The following NFIA variants were observed in gnomAD, a reference collection of about 807,000 sequenced individuals.
NFIA encodes the protein nuclear factor 1 A-type.
A neutral mutation model predicts 62.8 loss-of-function variants in NFIA; 8 were observed. The observed-to-expected ratio is 0.13, with a 90% confidence interval of 0.07 to 0.23. The LOEUF (loss-of-function observed/expected upper bound fraction) is 0.23. NFIA is among the 10% of genes least tolerant of loss of function. NFIA has a pLI of 1.00. For missense variants in NFIA, 410 were observed against 642.1 expected, an observed-to-expected ratio of 0.64 and a Z score of 3.91; for synonymous variants, 235 against 238.1, an observed-to-expected ratio of 0.99 and a Z score of 0.12.
At chr1:61,446,118 C>T (rs1179217046) in intron 10 of NFIA, among the ~76,000 whole-genome samples, 1 of 152,164 alleles carries the variant, frequency 6.6e-6, no homozygotes, top group African/African-American at 2.4e-5. Context: ...CTTGTAGTAT[C>T]CTTAGAGAGA....
intron 2 of NFIA, among the ~76,000 whole-genome samples, chr1:61,258,913 G>T (rs1656589150): frequency 6.6e-6 from 1 of 151,888 alleles, no homozygotes; most frequent in Admixed American, 6.6e-5. Context: ...TAGAGACGGG[G>T]TTTTGCCACA....
intron 3 of NFIA, among the ~76,000 whole-genome samples, chr1:61,313,740 T>C (rs1421089628): frequency 6.6e-6 from 1 of 152,228 alleles, no homozygotes; most frequent in Non-Finnish European, 1.5e-5. Context: ...CAGGAATTTG[T>C]ATGTACACAT....
intron 2 of NFIA, among the ~76,000 whole-genome samples, chr1:61,257,434 T>C (rs972515779): frequency 1.4e-5 from 2 of 147,630 alleles, no homozygotes; most frequent in African/African-American, 5.0e-5. Flanking sequence ...GCCTCCCGGA[T>C]TCAAGCAATT....
At chr1:61,147,879 T>G (rs1161732335) in intron 2 of NFIA, among the ~76,000 whole-genome samples, 1 of 152,170 alleles carries the variant, frequency 6.6e-6, no homozygotes, top group African/African-American at 2.4e-5. Flanking sequence ...CTATATATAT[T>G]GCAATTAATA....
rs765026319 is a variant in NFIA, at chr1:61,455,327, C to T, written c.*7C>T. The T allele has an allele frequency of 3.1e-6, 5 of 1,613,920 alleles. No individual in the cohort carries two copies. Among genetic ancestry groups the T allele is most frequent in the Non-Finnish European group, 2.5e-6 (3 of 1,179,972 alleles). ...GTCCTGGTACCTGGGATAAAAGTTG[C>T]AGCGTCCCACCATCCACCAGACAGA... On this transcript the variant is annotated 3_prime_UTR_variant, in exon 11 of 11. Coordinates refer to ENST00000403491, the MANE Select transcript of NFIA (RefSeq NM_001134673.4).
intron 2 of NFIA, among the ~76,000 whole-genome samples, chr1:61,191,551 T>C (rs1275381480): frequency 6.6e-6 from 1 of 152,186 alleles, no homozygotes; most frequent in Non-Finnish European, 1.5e-5. Flanking sequence ...AGGCAGGAGA[T>C]AGTGCTGAAG....
intron 10 of NFIA, among the ~76,000 whole-genome samples, chr1:61,429,723 A>G (rs1447887093): frequency 6.6e-6 from 1 of 152,254 alleles, no homozygotes; most frequent in Admixed American, 6.5e-5. Context: ...ATAGAATGGA[A>G]TATTACTCAG....
chr1:61,089,783 T>C (rs1192867478), intron 2 of NFIA, among the ~76,000 whole-genome samples: 4 of 150,770 alleles, frequency 2.7e-5, no homozygotes, highest in Admixed American at 1.3e-4. Context: ...CTAAAAATGT[T>C]AGTGAGTTTT....
intron 2 of NFIA, among the ~76,000 whole-genome samples, chr1:61,149,577 TATTAA>T (rs1414338199): frequency 3.3e-5 from 5 of 152,196 alleles, no homozygotes; most frequent in African/African-American, 1.2e-4. Context: ...TATAGGGCAG[TATTAA>T]ATTACTAAGC....
chr1:61,414,484 T>C (rs2499530), intron 9 of NFIA, among the ~76,000 whole-genome samples: 35,499 of 151,978 alleles, frequency 0.23, 4,959 homozygotes, highest in East Asian at 0.51. Context: ...GGCTTGGCTG[T>C]AGCATGAGGA....
intron 5 of NFIA, among the ~76,000 whole-genome samples, chr1:61,354,421 G>C (rs1174581478): frequency 2.0e-5 from 3 of 152,124 alleles, no homozygotes; most frequent in Non-Finnish European, 4.4e-5. Context: ...TCTTCCTGCT[G>C]TGCCAATATT....
intron 2 of NFIA, among the ~76,000 whole-genome samples, chr1:61,223,676 C>T (rs376169020): frequency 6.6e-5 from 10 of 151,992 alleles, no homozygotes; most frequent in African/African-American, 2.4e-4. Context: ...GTGGAATTCT[C>T]ATTTGATAAT....
At chr1:61,082,491 A>C (rs1294888456), upstream of NFIA, 6 of 1,114,366 alleles carry the variant, frequency 5.4e-6, no homozygotes, top group South Asian at 1.5e-4. Context: ...GGGAGCGGGA[A>C]AGGGTGCGCT....
intron 2 of NFIA, among the ~76,000 whole-genome samples, chr1:61,184,422 A>T (rs901540848): frequency 1.1e-4 from 16 of 152,342 alleles, no homozygotes; most frequent in South Asian, 2.1e-4. Context: ...TTGCATGCCA[A>T]ATGTTCTTGC....
At chr1:61,260,554 A>T (rs1385678107) in intron 2 of NFIA, among the ~76,000 whole-genome samples, 2 of 152,230 alleles carry the variant, frequency 1.3e-5, no homozygotes, top group African/African-American at 4.8e-5. Flanking sequence ...TGATATGCTG[A>T]GTAAATGATT....
At chr1:61,384,040 G>A (rs1404349817) in intron 7 of NFIA, among the ~76,000 whole-genome samples, 1 of 152,164 alleles carries the variant, frequency 6.6e-6, no homozygotes, top group Non-Finnish European at 1.5e-5. Flanking sequence ...TAAGCCTCAA[G>A]AGAATGTCAG....
chr1:61,359,252 T>G lies in NFIA; in HGVS notation c.924T>G (p.Ser308Arg). Reference sequence around the variant, plus strand: ...CCCCAGGAAGTGGCAGTCAGTCAAGTGGATGGCATGAAGTGGAGCCAGGTA... The same window carrying G: ...CCCCAGGAAGTGGCAGTCAGTCAAGGGGATGGCATGAAGTGGAGCCAGGTA... ...GRSPGSGSQS[S>R]GWHEVEPGMP... Residue 308 changes from serine (S) to arginine (R), a missense_variant, in exon 6 of 11, where the codon AGT (serine) becomes AGG (arginine). By Grantham distance (110) the Ser-to-Arg change is moderately radical. Around this residue, in one of 3 missense-constraint regions of NFIA, gnomAD observed 298 missense variants for 438.1 expected, o/e 0.68. Transcript: ENST00000403491. 6.2e-7 allele frequency: 1 copy of G among 1,612,446 alleles called. No individual in the cohort carries two copies. Among genetic ancestry groups the G allele is most frequent in the Non-Finnish European group, 8.5e-7 (1 of 1,179,958 alleles).
intron 2 of NFIA, among the ~76,000 whole-genome samples, chr1:61,265,093 A>G (rs1371583651): frequency 2.0e-5 from 3 of 152,214 alleles, no homozygotes; most frequent in Non-Finnish European, 4.4e-5. Context: ...CAACTCATAC[A>G]TCTTTGAAGT....
intron 3 of NFIA, among the ~76,000 whole-genome samples, chr1:61,331,200 C>G (rs1053065236): frequency 1.1e-4 from 16 of 152,092 alleles, no homozygotes; most frequent in Non-Finnish European, 1.6e-4. Context: ...GGAACTGTTT[C>G]ATCTCAAATA....
Sources: gnomAD v4.1 joint callset for allele counts (sites outside exome capture counted in the v4.1 genomes callset) on GRCh38, gnomAD v4.1.1 for gene constraint, gnomAD v4.1.1 regional missense constraint, MANE v1.5 for transcripts, NCBI Gene and HGNC (gene_info 2026-07-23, HGNC 2026-07-21) for gene names.